KAZN: variants seen among roughly 807,000 people sequenced by gnomAD.
The protein encoded by KAZN is kazrin, periplakin interacting protein, also known as kazrin.
A neutral mutation model predicts 87.4 loss-of-function variants in KAZN; 40 were observed. That is an observed-to-expected ratio of 0.46 (90% CI 0.36 to 0.60). The LOEUF is 0.60. Among genes scored for constraint, KAZN ranks in the 20% least tolerant of loss-of-function variants. KAZN has a pLI of 0.00. For missense variants in KAZN, 898 were observed against 1,073.9 expected (o/e 0.84, Z 2.29); for synonymous variants, 466 against 458.3 (o/e 1.02, Z -0.22).
chr1:14,252,846 C>A (rs1386190302), intron 2 of KAZN, among the ~76,000 whole-genome samples: 1 of 152,140 alleles, frequency 6.6e-6, no homozygotes, highest in East Asian at 1.9e-4. Flanking sequence ...AATGCAGGGG[C>A]TGTACTCCAT....
intron 1 of KAZN, among the ~76,000 whole-genome samples, chr1:13,929,401 A>T (rs1260888400): frequency 6.6e-6 from 1 of 152,138 alleles, no homozygotes; most frequent in Non-Finnish European, 1.5e-5. Context: ...CTTCATCTTC[A>T]TGACTGCATT....
chr1:14,597,303 A>G (rs1180189656), upstream of KAZN, among the ~76,000 whole-genome samples: 1 of 152,198 alleles, frequency 6.6e-6, no homozygotes, highest in Non-Finnish European at 1.5e-5. Flanking sequence ...GCCCTCTTGC[A>G]AAAGCTTGTT....
At chr1:15,087,738 ATGTGGCT>A (rs1414097322) in intron 8 of KAZN, among the ~76,000 whole-genome samples, 1 of 152,250 alleles carries the variant, frequency 6.6e-6, no homozygotes, top group Non-Finnish European at 1.5e-5. Flanking sequence ...CTGTAGGCAC[ATGTGGCT>A]TGTAGCTGCT....
intron 2 of KAZN, among the ~76,000 whole-genome samples, chr1:14,582,212 C>T (rs1186506052): frequency 6.6e-6 from 1 of 152,136 alleles, no homozygotes; most frequent in East Asian, 1.9e-4. Flanking sequence ...TGTTGACTTT[C>T]TAGATCAAAT....
At chr1:14,530,590 T>A (rs1047350916) in intron 2 of KAZN, among the ~76,000 whole-genome samples, 1 of 152,002 alleles carries the variant, frequency 6.6e-6, no homozygotes, top group Non-Finnish European at 1.5e-5. Flanking sequence ...TTCACCTGAC[T>A]TCCGGTTGTT....
chr1:15,030,624 TA>T (rs751833137), intron 2 of KAZN, among the ~76,000 whole-genome samples: 1 of 152,224 alleles, frequency 6.6e-6, no homozygotes, highest in Non-Finnish European at 1.5e-5. Context: ...CGCATCATGT[TA>T]GGGGGCAGGG....
chr1:14,078,628 G>T (rs531532683), intron 1 of KAZN, among the ~76,000 whole-genome samples: 11 of 152,172 alleles, frequency 7.2e-5, no homozygotes, highest in Non-Finnish European at 1.6e-4. Context: ...TTCATAGACG[G>T]CGCCTTCTCA....
At chr1:14,633,677 T>A (rs10927473) in intron 1 of KAZN, among the ~76,000 whole-genome samples, 1 of 151,948 alleles carries the variant, frequency 6.6e-6, no homozygotes, top group Non-Finnish European at 1.5e-5. Flanking sequence ...TTCACTCTGC[T>A]GAGCATTAGA....
intron 2 of KAZN, among the ~76,000 whole-genome samples, chr1:15,020,303 CATA>C (rs908010948): frequency 3.3e-5 from 5 of 152,186 alleles, no homozygotes; most frequent in Non-Finnish European, 5.9e-5. Context: ...ATAATACTCA[CATA>C]ATACATGAAT....
chr1:14,526,692 G>C (rs539507120), intron 2 of KAZN, among the ~76,000 whole-genome samples: 1 of 141,776 alleles, frequency 7.1e-6, no homozygotes, highest in Non-Finnish European at 1.6e-5. Context: ...CCCTTGCACC[G>C]TCTCTCTGGA....
intron 1 of KAZN, among the ~76,000 whole-genome samples, chr1:13,997,049 G>T (rs535844023): frequency 7.6e-4 from 116 of 152,238 alleles, no homozygotes; most frequent in African/African-American, 2.7e-3. Context: ...TAATATCTCT[G>T]GGCTTGGGAG....
chr1:13,916,528 A>T (rs1639859164), intron 1 of KAZN, among the ~76,000 whole-genome samples: 1 of 152,182 alleles, frequency 6.6e-6, no homozygotes, highest in Non-Finnish European at 1.5e-5. Context: ...CAGGTGCTAC[A>T]CATTTAGAAG....
Position 14,883,296 on chromosome 1 carries a change from A to AAAAG in KAZN, c.227-77366_227-77363dup, listed in dbSNP as rs201246008. Among the ~76,000 whole-genome samples, 405 of 90,374 alleles carry AAAAG rather than the reference A, an allele frequency of 4.5e-3. 32 individuals are homozygous for AAAAG. The highest frequency in any genetic ancestry group is 0.014 in the African/African-American group (372 of 25,746). 59.3% of individuals were successfully genotyped at this position (90,374 alleles called of 152,430 possible). On this transcript the variant is annotated intron_variant, in intron 1 of 14. Coordinates refer to ENST00000376030, the MANE Select transcript of KAZN (RefSeq NM_201628.3). ...GGCAAGAAAAGCGAAACTCCATCTCAAAAGAAAGAAAGAAAGAAAGAAAGA... is the reference window on the plus strand; with the variant it reads ...GGCAAGAAAAGCGAAACTCCATCTCAAAAGAAAGAAAGAAAGAAAGAAAGAAAGA...
At chr1:14,779,131 C>T (rs1645260648) in intron 1 of KAZN, among the ~76,000 whole-genome samples, 1 of 152,130 alleles carries the variant, frequency 6.6e-6, no homozygotes, top group African/African-American at 2.4e-5. Flanking sequence ...CGAGACAGGG[C>T]CCACCCAAAT....
At chr1:15,006,646 A>G (rs370632122) in intron 2 of KAZN, among the ~76,000 whole-genome samples, 2 of 152,250 alleles carry the variant, frequency 1.3e-5, no homozygotes, top group African/African-American at 4.8e-5. Context: ...GACAAAACAG[A>G]TAATAAACCA....
At chr1:15,085,253 A>C (rs557291500) in intron 8 of KAZN, among the ~76,000 whole-genome samples, 4 of 152,228 alleles carry the variant, frequency 2.6e-5, no homozygotes, top group Non-Finnish European at 5.9e-5. Flanking sequence ...TTAGATTTAT[A>C]TTTGAATTAA....
At chr1:14,063,591 C>G (rs1415071829) in intron 1 of KAZN, among the ~76,000 whole-genome samples, 2 of 152,108 alleles carry the variant, frequency 1.3e-5, no homozygotes, top group Non-Finnish European at 2.9e-5. Context: ...TTCCCAATAT[C>G]ACACCATCTA....
chr1:14,593,421 C>G (rs565646182), intron 2 of KAZN, among the ~76,000 whole-genome samples: 1 of 151,938 alleles, frequency 6.6e-6, no homozygotes, highest in African/African-American at 2.4e-5. Flanking sequence ...TGGGTACATG[C>G]GGGGGAGGGA....
intron 1 of KAZN, among the ~76,000 whole-genome samples, chr1:14,056,783 T>A (rs567956845): frequency 2.7e-4 from 41 of 152,294 alleles, no homozygotes; most frequent in African/African-American, 9.4e-4. Flanking sequence ...GGCCTTTTTT[T>A]AGACATAGCA....
Sources: allele counts gnomAD v4.1 joint callset (sites outside exome capture counted in the v4.1 genomes callset), GRCh38; gene constraint gnomAD v4.1.1; transcripts MANE v1.5; gene names NCBI Gene and HGNC (gene_info 2026-07-23, HGNC 2026-07-21).